The following MYPN variants were observed in gnomAD, a reference collection of about 807,000 sequenced individuals.
MYPN encodes the protein sarcomeric protein myopalladin, 145 kDa (MYOP).
MYPN carries 63 observed loss-of-function variants against 129.4 expected under a neutral mutation model. That is an observed-to-expected ratio of 0.49 (90% CI 0.40 to 0.60). The LOEUF (loss-of-function observed/expected upper bound fraction) is 0.60, where lower values mean the gene tolerates loss of function less well. Among genes scored for constraint, MYPN ranks in the 20% least tolerant of loss-of-function variants. MYPN has a pLI of 0.00. For synonymous variants in MYPN, 629 were observed against 600.9 expected, an observed-to-expected ratio of 1.05 and a Z score of -0.68; for missense variants, 1,596 against 1,635.4, an observed-to-expected ratio of 0.98 and a Z score of 0.42.
At chr10:68,161,484 C>T (rs1383119530) in intron 7 of MYPN, among the ~76,000 whole-genome samples, 1 of 149,796 alleles carries the variant, frequency 6.7e-6, no homozygotes, top group Non-Finnish European at 1.5e-5. Context: ...CATTGCACTC[C>T]AGCCTGGGCA....
chr10:68,121,378 C>A lies in MYPN; in HGVS notation c.-1-60C>A, dbSNP rs925414427. On this transcript the variant is annotated intron_variant, in intron 1 of 19. Transcript: ENST00000358913. The stretch of plus-strand genomic sequence containing the variant: ...AACGAGTCTGCAGTGCTATAATAGA[C>A]ATAGACTTGTTATTCCCTAGAAATG... 17 of 1,473,040 alleles carry A rather than the reference C, an allele frequency of 1.2e-5. No individual in the cohort carries two copies. In the African/African-American group the frequency reaches 2.0e-4, roughly 17 times the overall value. 91.2% of individuals were successfully genotyped at this position (1,473,040 alleles called of 1,614,324 possible). A position where few individuals can be genotyped will look rare whatever the true frequency, so the allele number is the denominator to read the frequency against.
chr10:68,198,489 C>T (rs1256353745), intron 16 of MYPN, among the ~76,000 whole-genome samples: 1 of 152,062 alleles, frequency 6.6e-6, no homozygotes, highest in Non-Finnish European at 1.5e-5. Context: ...GCAAATTAGT[C>T]AAAACTTGAG....
At chr10:68,091,421 G>T in intron 1 of MYPN, among the ~76,000 whole-genome samples, 6 of 135,190 alleles carry the variant, frequency 4.4e-5, no homozygotes, top group East Asian at 2.0e-4. Flanking sequence ...TTTTGACAGG[G>T]TCTTGCCCTA....
chr10:68,172,103 T>TGG (rs2043153291), intron 10 of MYPN, among the ~76,000 whole-genome samples: 1 of 152,170 alleles, frequency 6.6e-6, no homozygotes, highest in Non-Finnish European at 1.5e-5. Context: ...CCTGTAATTC[T>TGG]AGCACTTTTG....
intron 18 of MYPN, among the ~76,000 whole-genome samples, chr10:68,203,987 G>T (rs932856616): frequency 3.9e-5 from 6 of 152,064 alleles, no homozygotes; most frequent in Non-Finnish European, 7.4e-5. Context: ...CTACCTCCAC[G>T]CTGCAGCCCA....
chr10:68,187,960 A>G (rs901843670), intron 12 of MYPN, among the ~76,000 whole-genome samples: 8 of 152,232 alleles, frequency 5.3e-5, no homozygotes, highest in Non-Finnish European at 1.2e-4. Flanking sequence ...AAGAAAAAGA[A>G]CACAAGACTA....
At chr10:68,121,087 T>C (rs1191552695) in intron 1 of MYPN, among the ~76,000 whole-genome samples, 1 of 152,146 alleles carries the variant, frequency 6.6e-6, no homozygotes, top group Non-Finnish European at 1.5e-5. Flanking sequence ...GAGACCAGCC[T>C]GGGCAACAGG....
At chr10:68,137,273 A>T (rs1191313878) in intron 2 of MYPN, among the ~76,000 whole-genome samples, 2 of 152,212 alleles carry the variant, frequency 1.3e-5, no homozygotes, top group Non-Finnish European at 2.9e-5. Flanking sequence ...TTCTGCATCC[A>T]GTTTGTTGTA....
At chr10:68,170,528 A>G (rs1222481363) in intron 10 of MYPN, among the ~76,000 whole-genome samples, 1 of 152,178 alleles carries the variant, frequency 6.6e-6, no homozygotes, top group East Asian at 1.9e-4. Flanking sequence ...GCATTAAAAT[A>G]TATTGACTCA....
intron 2 of MYPN, chr10:68,136,768 A>G: frequency 6.6e-7 from 1 of 1,518,576 alleles, no homozygotes; most frequent in South Asian, 1.2e-5. Flanking sequence ...AATTTAGATA[A>G]TCCTATAATG....
intron 18 of MYPN, among the ~76,000 whole-genome samples, chr10:68,202,790 G>GC (rs1351038840): frequency 6.6e-6 from 1 of 151,194 alleles, no homozygotes; most frequent in Non-Finnish European, 1.5e-5. Flanking sequence ...AACGGAAATT[G>GC]CCCCAGAGAA....
intron 3 of MYPN, among the ~76,000 whole-genome samples, 156 bp from the exon 4 acceptor site, chr10:68,145,319 C>T (rs542268136): frequency 3.9e-4 from 60 of 152,138 alleles, no homozygotes; most frequent in African/African-American, 7.7e-4. Context: ...CCACCACGCC[C>T]GGCGTTACTG....
At chr10:68,155,780 CTT>C (rs1187823870) in intron 6 of MYPN, among the ~76,000 whole-genome samples, 2 of 152,194 alleles carry the variant, frequency 1.3e-5, no homozygotes, top group Non-Finnish European at 2.9e-5. Flanking sequence ...AACTATGACT[CTT>C]AACAGTTTTC....
chr10:68,136,403 A>G (rs2042487459), intron 2 of MYPN: 2 of 857,750 alleles, frequency 2.3e-6, no homozygotes, highest in Non-Finnish European at 3.0e-6. Context: ...AAAACATGCC[A>G]CCGGTCAGGG....
chr10:68,136,064 A>G, intron 2 of MYPN: 1 of 192,972 alleles, frequency 5.2e-6, no homozygotes, highest in Non-Finnish European at 9.5e-6. Context: ...GAAGTTGTTA[A>G]TGTGCTAAAA....
rs554630537 is a variant in MYPN at position 68,140,067 on chromosome 10, G to A, written c.903-2873G>A. Among the ~76,000 whole-genome samples the A allele has an allele frequency of 2.7e-4, 41 of 152,296 alleles. No homozygotes were observed. The South Asian group carries it at 3.9e-3, about 15-fold the overall frequency. On this transcript the variant is annotated intron_variant, in intron 2 of 19. Coordinates refer to ENST00000358913, the MANE Select transcript of MYPN (RefSeq NM_032578.4). ...TCAGGGAGGGCCTCTCTGAGAAGGC[G>A]ACATTTGAGCTGAGGTCTGACTCAT...
intron 19 of MYPN, among the ~76,000 whole-genome samples, chr10:68,209,064 T>A (rs954846403): frequency 2.0e-5 from 3 of 152,144 alleles, no homozygotes; most frequent in Non-Finnish European, 4.4e-5. Context: ...ATCAAGATGA[T>A]GAAATCAACA....
At chr10:68,140,087 A>G (rs1402562458) in intron 2 of MYPN, among the ~76,000 whole-genome samples, 1 of 152,090 alleles carries the variant, frequency 6.6e-6, no homozygotes, top group Non-Finnish European at 1.5e-5. Flanking sequence ...CTGAGGTCTG[A>G]CTCATGAGAA....
intron 3 of MYPN, among the ~76,000 whole-genome samples, chr10:68,144,021 C>A (rs920452462): frequency 6.6e-6 from 1 of 152,132 alleles, no homozygotes; most frequent in Non-Finnish European, 1.5e-5. Flanking sequence ...TCCCAAAGTG[C>A]TGGGATTATA....
Sources: gnomAD v4.1 joint callset for allele counts (sites outside exome capture counted in the v4.1 genomes callset) on GRCh38, gnomAD v4.1.1 for gene constraint, MANE v1.5 for transcripts, NCBI Gene and HGNC (gene_info 2026-07-23, HGNC 2026-07-21) for gene names.